The following GNAO1 variants were observed in gnomAD, a reference collection of about 807,000 sequenced individuals.
The protein encoded by GNAO1 is guanine nucleotide-binding protein G(o) subunit alpha.
For missense variants in GNAO1, 166 were observed against 478.7 expected (o/e 0.35, Z 6.10); for synonymous variants, 164 against 180.7 (o/e 0.91, Z 0.74).
chr16:56,279,782 CAG>C (rs1339523219), intron 3 of GNAO1, among the ~76,000 whole-genome samples: 7 of 152,204 alleles, frequency 4.6e-5, no homozygotes, highest in African/African-American at 1.4e-4. Context: ...CCCTCCAGAA[CAG>C]GGGACACAGC....
At chr16:56,344,898 C>T in intron 6 of GNAO1, 1 of 985,282 alleles carries the variant, frequency 1.0e-6, no homozygotes, top group Non-Finnish European at 1.2e-6. Context: ...AGGGGGTGGA[C>T]TTTTGCAGCC....
intron 2 of GNAO1, among the ~76,000 whole-genome samples, chr16:56,237,482 G>A (rs762324727): frequency 1.3e-5 from 2 of 152,090 alleles, no homozygotes; most frequent in African/African-American, 2.4e-5. Context: ...GAAACCATGC[G>A]TTCTGGTGGC....
chr16:56,341,159 C>T (rs772505800), intron 6 of GNAO1, among the ~76,000 whole-genome samples: 8 of 152,200 alleles, frequency 5.3e-5, no homozygotes, highest in South Asian at 2.1e-4. Context: ...GGCAGCTAGC[C>T]GGGGCTTCCT....
At chr16:56,290,211 T>G (rs1490521626) in intron 3 of GNAO1, among the ~76,000 whole-genome samples, 3 of 152,106 alleles carry the variant, frequency 2.0e-5, no homozygotes, top group African/African-American at 7.2e-5. Flanking sequence ...TTCCTGACTC[T>G]CCGAATAGGC....
At chr16:56,310,121 A>G (rs747951268) in intron 3 of GNAO1, among the ~76,000 whole-genome samples, 21 of 152,064 alleles carry the variant, frequency 1.4e-4, no homozygotes, top group Non-Finnish European at 2.6e-4. Flanking sequence ...AGCGTGGGCA[A>G]CATAGTGAGA....
chr16:56,293,571 G>A (rs1365421429), intron 3 of GNAO1, among the ~76,000 whole-genome samples: 3 of 152,172 alleles, frequency 2.0e-5, no homozygotes, highest in African/African-American at 7.2e-5. Flanking sequence ...CCCTGGCATG[G>A]CACACATACT....
At chr16:56,252,666 C>A (rs530003895) in intron 2 of GNAO1, among the ~76,000 whole-genome samples, 5 of 152,178 alleles carry the variant, frequency 3.3e-5, no homozygotes, top group Non-Finnish European at 7.3e-5. Context: ...TTGATACTTT[C>A]GCATAGTGAG....
chr16:56,285,181 TA>T (rs1369202898), intron 3 of GNAO1, among the ~76,000 whole-genome samples: 1 of 152,216 alleles, frequency 6.6e-6, no homozygotes, highest in Non-Finnish European at 1.5e-5. Context: ...CAACAAACAG[TA>T]AACGAAAACT....
rs560808527 is a variant in GNAO1 at position 56,346,502 on chromosome 16, C to T, written c.724-4882C>T. The T allele has an allele frequency of 8.1e-6, 8 of 985,452 alleles. No individual in the cohort carries two copies. The South Asian group carries it at 1.4e-4, about 17-fold the overall frequency. The allele number at this position is 985,452 out of a possible 1,614,324, so 61.0% of individuals were successfully genotyped here. A position where few individuals can be genotyped will look rare whatever the true frequency, so the allele number is the denominator to read the frequency against. ...TATGGGCCAGTTTTGTGACCTGCGC[C>T]GCTGACCATCCTAAGAACCAGGTCT... On this transcript the variant is annotated intron_variant, in intron 6 of 8. Transcript: ENST00000262493.
chr16:56,224,369 A>G (rs989814477), intron 2 of GNAO1, among the ~76,000 whole-genome samples: 11 of 152,156 alleles, frequency 7.2e-5, no homozygotes, highest in Admixed American at 2.6e-4. Context: ...TTAGGCTGCT[A>G]CCCGGTAGGA....
intron 2 of GNAO1, among the ~76,000 whole-genome samples, chr16:56,265,382 C>T (rs1412135565): frequency 1.3e-5 from 2 of 152,242 alleles, no homozygotes; most frequent in Non-Finnish European, 2.9e-5. Context: ...CAGGCCTGGC[C>T]ATGCAGGTCG....
At chr16:56,301,425 C>A (rs1356395749) in intron 3 of GNAO1, among the ~76,000 whole-genome samples, 1 of 152,220 alleles carries the variant, frequency 6.6e-6, no homozygotes, top group African/African-American at 2.4e-5. Context: ...CCAGCTCTTG[C>A]TTCCAGCTCT....
intron 2 of GNAO1, among the ~76,000 whole-genome samples, chr16:56,202,535 G>A (rs1370708734): frequency 6.6e-6 from 1 of 152,194 alleles, no homozygotes; most frequent in Admixed American, 6.5e-5. Context: ...AAAAGTTGAA[G>A]GTATAGGAAG....
chr16:56,268,340 C>T (rs1480596954), intron 2 of GNAO1, among the ~76,000 whole-genome samples: 3 of 152,230 alleles, frequency 2.0e-5, no homozygotes, highest in Non-Finnish European at 2.9e-5. Flanking sequence ...CATTTCTTGG[C>T]ACTAGCCTTA....
chr16:56,222,682 CG>C (rs2036501585), intron 2 of GNAO1, among the ~76,000 whole-genome samples: 1 of 152,134 alleles, frequency 6.6e-6, no homozygotes, highest in Non-Finnish European at 1.5e-5. Context: ...GAGCCTCCAT[CG>C]TAGGTGTGTG....
At chr16:56,322,626 G>A (rs939278878) in intron 3 of GNAO1, among the ~76,000 whole-genome samples, 8 of 151,978 alleles carry the variant, frequency 5.3e-5, no homozygotes, top group Admixed American at 2.0e-4. Context: ...CTGGGTACCC[G>A]TTAGTTCTCA....
At chr16:56,337,739 G>C (rs1239126375) in intron 6 of GNAO1, among the ~76,000 whole-genome samples, 2 of 152,228 alleles carry the variant, frequency 1.3e-5, no homozygotes, top group Admixed American at 6.5e-5. Context: ...GCGCCAAGCT[G>C]GTGGTTGTAC....
chr16:56,316,274 T>C (rs1235905221), intron 3 of GNAO1, among the ~76,000 whole-genome samples: 5 of 152,128 alleles, frequency 3.3e-5, no homozygotes, highest in East Asian at 1.9e-4. Flanking sequence ...AGGCCTGGCA[T>C]TTCCTCTGCC....
At chr16:56,310,344 G>C (rs188457534) in intron 3 of GNAO1, among the ~76,000 whole-genome samples, 1 of 152,158 alleles carries the variant, frequency 6.6e-6, no homozygotes, top group East Asian at 1.9e-4. Flanking sequence ...AAAATATTAA[G>C]TAAATTAAAG....
Sources: gnomAD v4.1 joint callset for allele counts (sites outside exome capture counted in the v4.1 genomes callset) on GRCh38, gnomAD v4.1.1 for gene constraint, MANE v1.5 for transcripts, NCBI Gene and HGNC (gene_info 2026-07-23, HGNC 2026-07-21) for gene names.